The following ITGB6 variants were observed in gnomAD, a reference collection of about 807,000 sequenced individuals.
ITGB6 encodes the protein integrin subunit beta 6, also known as integrin beta-6.
ITGB6 carries 80 observed loss-of-function variants against 84.5 expected under a neutral mutation model. The observed-to-expected ratio is 0.95, with a 90% CI of 0.79 to 1.14. The LOEUF is 1.14. ITGB6 is among the 50% of genes most tolerant of loss of function. The probability of loss-of-function intolerance (pLI) is 0.00; values close to 1 mark genes in which losing one functional copy is unlikely to be tolerated. For synonymous variants in ITGB6, 383 were observed against 354.9 expected (o/e 1.08, Z -0.89); for missense variants, 1,006 against 968.0 (o/e 1.04, Z -0.52).
chr2:160,101,822 G>T lies in ITGB6; in HGVS notation c.2281C>A (p.Leu761Ile). 6.5e-7 allele frequency: 1 copy of T among 1,538,576 alleles called. No homozygotes were observed. The highest frequency in any genetic ancestry group is 8.8e-7 in the Non-Finnish European group (1 of 1,135,770). The part of the protein sequence containing the change: ...KAKWQTGTNP[L>I]YRGSTSTFKN... ...AAAGTACTTGTGGATCCTCTGTAGA[G>T]TGGATTGGTTCCCTGGAAAAAAAAA... Residue 761 changes from leucine (L) to isoleucine (I), a missense_variant, in exon 15 of 15, where the codon CTC (leucine) becomes ATC (isoleucine). Physicochemically the swap from Leu to Ile is conservative, Grantham distance 5. Coordinates refer to ENST00000283249, the MANE Select transcript of ITGB6 (RefSeq NM_000888.5).
chr2:160,176,500 C>T (rs1214000994), intron 4 of ITGB6, among the ~76,000 whole-genome samples: 1 of 152,210 alleles, frequency 6.6e-6, no homozygotes, highest in African/African-American at 2.4e-5. Context: ...ACCTTATTCT[C>T]TTATTTTTAA....
intron 4 of ITGB6, among the ~76,000 whole-genome samples, chr2:160,179,390 C>CTTTTTTTTTTTTTT (rs71297445): frequency 9.9e-5 from 13 of 131,176 alleles, no homozygotes; most frequent in Non-Finnish European, 1.6e-4. Context: ...TTTTCTTTTT[C>CTTTTTTTTTTTTTT]TTTTTTTTTT....
At position 160,150,029 on chromosome 2, in the gene ITGB6, C is replaced by T. The variant is rs1381990363; in HGVS notation, c.1018-7958G>A. On this transcript the variant is annotated intron_variant, in intron 7 of 14. Transcript: ENST00000283249. Reference sequence around the variant, plus strand: ...GAGAACGGAACCAAGTTGGAAAACACTCTGCAGGATATTATCCAGGAGAAC... The same window carrying T: ...GAGAACGGAACCAAGTTGGAAAACATTCTGCAGGATATTATCCAGGAGAAC... Among the ~76,000 whole-genome samples, 3 of 152,192 alleles carry T rather than the reference C, an allele frequency of 2.0e-5. No individual in the cohort carries two copies. The East Asian group carries it at 5.8e-4, about 29-fold the overall frequency.
At chr2:160,187,847 A>G (rs1340349227) in intron 4 of ITGB6, among the ~76,000 whole-genome samples, 1 of 152,174 alleles carries the variant, frequency 6.6e-6, no homozygotes, top group African/African-American at 2.4e-5. Flanking sequence ...TTATGGGTAT[A>G]TATAACCATA....
At chr2:160,116,269 T>C (rs990176785) in intron 12 of ITGB6, among the ~76,000 whole-genome samples, 5 of 152,008 alleles carry the variant, frequency 3.3e-5, no homozygotes, top group Admixed American at 6.6e-5. Flanking sequence ...AGAGAAAGGT[T>C]GGGTTACCCA....
At chr2:160,160,898 A>C (rs1684791363) in intron 7 of ITGB6, among the ~76,000 whole-genome samples, 1 of 152,224 alleles carries the variant, frequency 6.6e-6, no homozygotes, top group South Asian at 2.1e-4. Context: ...TGTGAGACCC[A>C]GAGAAAGCGG....
chr2:160,151,047 C>T (rs777142697), intron 7 of ITGB6, among the ~76,000 whole-genome samples: 2 of 151,996 alleles, frequency 1.3e-5, no homozygotes, highest in Non-Finnish European at 2.9e-5. Context: ...AAGGCAGAAG[C>T]TTAACAAGGA....
At chr2:160,130,976 C>T (rs559089369) in intron 10 of ITGB6, among the ~76,000 whole-genome samples, 1 of 152,312 alleles carries the variant, frequency 6.6e-6, no homozygotes, top group Admixed American at 6.5e-5. Flanking sequence ...TAGAAGCCCT[C>T]CTCTCTCCTG....
intron 7 of ITGB6, among the ~76,000 whole-genome samples, chr2:160,164,017 C>T (rs1350881254): frequency 2.6e-5 from 4 of 152,042 alleles, no homozygotes; most frequent in African/African-American, 4.8e-5. Flanking sequence ...TTATGATTGC[C>T]GATTAATTTG....
intron 7 of ITGB6, among the ~76,000 whole-genome samples, chr2:160,153,195 A>C (rs1442803652): frequency 6.6e-6 from 1 of 152,220 alleles, no homozygotes; most frequent in African/African-American, 2.4e-5. Context: ...CTATGCTACA[A>C]GGCTACAGTA....
chr2:160,157,509 C>T (rs1441522321), intron 7 of ITGB6, among the ~76,000 whole-genome samples: 4 of 152,086 alleles, frequency 2.6e-5, no homozygotes, highest in Non-Finnish European at 5.9e-5. Context: ...ATGCCAGCAG[C>T]AAGTGAGGGT....
intron 10 of ITGB6, among the ~76,000 whole-genome samples, chr2:160,128,698 G>A (rs1440496059): frequency 2.0e-4 from 31 of 152,186 alleles, no homozygotes; most frequent in Admixed American, 2.0e-3. Flanking sequence ...TCCCCCAGGT[G>A]ACTAGACTGA....
intron 12 of ITGB6, among the ~76,000 whole-genome samples, chr2:160,118,759 GAAAACCC>G (rs1682894866): frequency 6.6e-6 from 1 of 150,986 alleles, no homozygotes; most frequent in Non-Finnish European, 1.5e-5. Flanking sequence ...TGTATATCTA[GAAAACCC>G]CATCATCTCA....
At chr2:160,144,292 T>C (rs1684107650) in intron 7 of ITGB6, among the ~76,000 whole-genome samples, 1 of 152,194 alleles carries the variant, frequency 6.6e-6, no homozygotes, top group Admixed American at 6.5e-5. Context: ...CAGGTAACAG[T>C]CCTTACCTTA....
chr2:160,184,900 G>T (rs1685833362), intron 4 of ITGB6, among the ~76,000 whole-genome samples: 1 of 152,126 alleles, frequency 6.6e-6, no homozygotes, highest in South Asian at 2.1e-4. Flanking sequence ...CTCAATAGTT[G>T]CAGAAAAGGA....
At chr2:160,135,293 C>G (rs1287486868) in intron 10 of ITGB6, among the ~76,000 whole-genome samples, 8 of 152,108 alleles carry the variant, frequency 5.3e-5, no homozygotes. Flanking sequence ...CGAGTGAACT[C>G]CCATTCACAA....
In ITGB6 at chr2:160,155,080, A is replaced by G. The variant is rs369339197; in HGVS notation, c.1018-13009T>C. On this transcript the variant is annotated intron_variant, in intron 7 of 14. Transcript: ENST00000283249. ...GCCTGCTTTTCCTTCATGTTCTTCC[A>G]TGACTGTAAGTTTCTCAAGGCCTCC... Among the ~76,000 whole-genome samples the G allele has an allele frequency of 7.9e-5, 12 of 152,212 alleles. No individual in the cohort carries two copies. The East Asian group carries it at 2.1e-3, about 27-fold the overall frequency.
intron 11 of ITGB6, among the ~76,000 whole-genome samples, chr2:160,125,079 A>G (rs1479913030): frequency 2.0e-5 from 3 of 152,106 alleles, no homozygotes; most frequent in Non-Finnish European, 4.4e-5. Flanking sequence ...TATTTCCCCT[A>G]TTAAAACTGT....
At chr2:160,135,115 G>T (rs972444994) in intron 10 of ITGB6, among the ~76,000 whole-genome samples, 21 of 151,356 alleles carry the variant, frequency 1.4e-4, no homozygotes, top group South Asian at 6.3e-4. Context: ...AAGTCAAATT[G>T]TCCCTGTTTG....
Sources: allele counts gnomAD v4.1 joint callset (sites outside exome capture counted in the v4.1 genomes callset), GRCh38; gene constraint gnomAD v4.1.1; transcripts MANE v1.5; gene names NCBI Gene and HGNC (gene_info 2026-07-23, HGNC 2026-07-21).